Variants in SMC4 observed in about 807,000 individuals in gnomAD.
SMC4 encodes structural maintenance of chromosomes protein 4.
In SMC4, 87 loss-of-function variants were observed where a neutral mutation model predicts 145.6. The observed-to-expected ratio is 0.60, with a 90% confidence interval of 0.50 to 0.71. The LOEUF is 0.71. Ranked by LOEUF, SMC4 falls within the 30% of genes least tolerant of loss-of-function variation. The pLI is 0.00. For synonymous variants in SMC4, 558 were observed against 500.7 expected (o/e 1.11, Z -1.53); for missense variants, 1,447 against 1,537.1 (o/e 0.94, Z 0.98).
Position 160,417,916 on chromosome 3 carries a change from T to G in SMC4, c.1631T>G (p.Ile544Arg), listed in dbSNP as rs41272953. 10 of 1,612,718 alleles carry G rather than the reference T, an allele frequency of 6.2e-6. No individual in the cohort carries two copies. Among genetic ancestry groups the G allele is most frequent in the Admixed American group, 1.7e-5 (1 of 59,714 alleles). The change falls in exon 11 of 24, where the codon ATA (isoleucine) becomes AGA (arginine). Residue 544 changes from isoleucine to arginine, a missense_variant. By Grantham distance (97) the Ile-to-Arg change is moderately conservative. Transcript: ENST00000357388. The stretch of plus-strand genomic sequence containing the variant: ...GAAAGGAAAGCTGCAATCAGAGATA[T>G]AGAAGGAAAACTCCCTCAAACTGAA... Reference protein sequence around the residue: ...LKERKAAIRDIEGKLPQTEQE... With the variant: ...LKERKAAIRDREGKLPQTEQE...
At chr3:160,414,626 G>A (rs1716399283) in intron 9 of SMC4, 109 bp downstream of exon 9, 1 of 1,095,450 alleles carries the variant, frequency 9.1e-7, no homozygotes. Flanking sequence ...TATTCTAAAT[G>A]TTGTTTTAAG....
intron 7 of SMC4, 25 bp from the exon 8 acceptor site, chr3:160,413,446 TTC>T: frequency 6.4e-7 from 1 of 1,565,968 alleles, no homozygotes; most frequent in Non-Finnish European, 8.6e-7. Flanking sequence ...GAGCTTCAAT[TTC>T]TTTTTTTTTT....
rs1307483131 is a variant in SMC4, at chr3:160,419,432, A to T, written c.1746A>T (p.Lys582Asn). 6.2e-7 allele frequency: 1 copy of T among 1,612,574 alleles called. No individual in the cohort carries two copies. Among genetic ancestry groups the T allele is most frequent in the Non-Finnish European group, 8.5e-7 (1 of 1,179,674 alleles). ...GTTTGGTTCATGATCTCTTTCAAAA[A>T]GTTGAAGAAGCAAAGAGCTCATTAG... ...FKSLVHDLFQKVEEAKSSLAM... is the reference protein window; with the variant it reads ...FKSLVHDLFQNVEEAKSSLAM... Residue 582 changes from lysine to asparagine, a missense_variant, in exon 12 of 24, where the codon AAA becomes AAT. Coordinates refer to ENST00000357388, the MANE Select transcript of SMC4 (RefSeq NM_001002800.3).
In SMC4 at chr3:160,419,330, C is replaced by T. The variant is rs527855945; in HGVS notation, c.1672-28C>T. On this transcript the variant is annotated intron_variant, in intron 11 of 23. Coordinates refer to ENST00000357388, the MANE Select transcript of SMC4 (RefSeq NM_001002800.3). ...TGGTCATATTTAGAAGTTAATGCTT[C>T]TGGATTTCATTTTATTTTCACTTTT... The T allele has an allele frequency of 1.1e-4, 159 of 1,495,066 alleles. 1 individual carries two copies. The highest frequency in any genetic ancestry group is 2.3e-4 in the Middle Eastern group (1 of 4,296). 92.6% of individuals were successfully genotyped at this position (1,495,066 alleles called of 1,614,324 possible). A position where few individuals can be genotyped will look rare whatever the true frequency, so the allele number is the denominator to read the frequency against.
chr3:160,421,549 G>T (rs1326207378), intron 13 of SMC4, among the ~76,000 whole-genome samples: 2 of 152,036 alleles, frequency 1.3e-5, no homozygotes, highest in African/African-American at 2.4e-5. Context: ...TTTGAGACCA[G>T]CCTGGCCAAC....
intron 17 of SMC4, among the ~76,000 whole-genome samples, chr3:160,427,477 T>C (rs1717913557): frequency 2.6e-5 from 4 of 152,226 alleles, no homozygotes; most frequent in Admixed American, 2.6e-4. Context: ...GCTTTGATGG[T>C]ACCTGATGGT....
chr3:160,433,628 A>G (rs750900435), intron 23 of SMC4, 29 bp from the exon 24 acceptor site: 2 of 1,402,690 alleles, frequency 1.4e-6, no homozygotes, highest in Admixed American at 2.3e-5. Flanking sequence ...TTATTACTTA[A>G]TGTTTGACTT....
intron 5 of SMC4, among the ~76,000 whole-genome samples, chr3:160,405,510 TA>T (rs1223322375): frequency 1.8e-4 from 27 of 152,058 alleles, no homozygotes; most frequent in Admixed American, 4.6e-4. Flanking sequence ...AACAAACTTA[TA>T]AAATGTTAGC....
At chr3:160,404,705 A>T (rs753332612) in intron 5 of SMC4, 1 of 715,056 alleles carries the variant, frequency 1.4e-6, no homozygotes, top group South Asian at 1.4e-5. Flanking sequence ...TGTTTTCATC[A>T]TCAGATGTTC....
Position 160,427,049 on chromosome 3 carries a change from A to AAG in SMC4, c.2605+851_2605+852dup, listed in dbSNP as rs571358710. On this transcript the variant is annotated intron_variant, in intron 17 of 23. Coordinates refer to ENST00000357388, the MANE Select transcript of SMC4 (RefSeq NM_001002800.3). ...TGTGGGGATTTTCTTCCAAAAGAAA[A>AAG]AGATTTTTAAATGTTGACACATTTC... Among the ~76,000 whole-genome samples the AAG allele has an allele frequency of 1.2e-4, 18 of 152,340 alleles. No homozygotes were observed. The South Asian group carries it at 3.5e-3, about 30-fold the overall frequency.
Position 160,402,029 on chromosome 3 carries a change from C to A in SMC4, c.254C>A (p.Thr85Asn). 6.3e-7 allele frequency: 1 copy of A among 1,595,990 alleles called. No individual in the cohort carries two copies. Among genetic ancestry groups the A allele is most frequent in the Non-Finnish European group, 8.5e-7 (1 of 1,173,032 alleles). The change falls in exon 3 of 24, where the codon ACT becomes AAT. Residue 85 changes from threonine (T) to asparagine (N), a missense_variant. Coordinates refer to ENST00000357388, the MANE Select transcript of SMC4 (RefSeq NM_001002800.3). The part of the protein sequence containing the change: ...NEAGAPRLMI[T>N]HIVNQNFKSY... Reference sequence around the variant, plus strand: ...GCTGGAGCTCCTCGGCTTATGATAACTCATATTGTAAACCAGAACTTCAAA... The same window carrying A: ...GCTGGAGCTCCTCGGCTTATGATAAATCATATTGTAAACCAGAACTTCAAA...
At chr3:160,428,603 C>CG in intron 17 of SMC4, 150 bp from the exon 18 acceptor site, 1 of 613,984 alleles carries the variant, frequency 1.6e-6, no homozygotes, top group Non-Finnish European at 2.7e-6. Context: ...TACAGGATAT[C>CG]GTTTTTTTTT....
Position 160,420,799 on chromosome 3 carries a change from A to G in SMC4, c.1917A>G (p.Ala639=), listed in dbSNP as rs765524791. The G allele has an allele frequency of 2.5e-6, 4 of 1,614,036 alleles. No individual in the cohort carries two copies. The highest frequency in any genetic ancestry group is 1.1e-5 in the South Asian group (1 of 91,042). The change falls in exon 13 of 24, where the codon GCA becomes GCG. Residue 639 remains alanine, a synonymous_variant. Transcript: ENST00000357388. ...YDVAISSCCH[A]LDYIVVDSID... is the part of the protein sequence containing the mutation. ...TGGCTATATCATCCTGTTGTCATGC[A>G]CTGGACTACATTGTTGTTGATTCTA...
intron 11 of SMC4, 107 bp from the exon 12 acceptor site, chr3:160,419,251 G>A (rs1716910248): frequency 1.4e-6 from 1 of 739,660 alleles, no homozygotes; most frequent in Non-Finnish European, 2.0e-6. Flanking sequence ...TTTTATTGTT[G>A]GTCTTTCTTT....
At chr3:160,429,739 GAC>G in intron 18 of SMC4, among the ~76,000 whole-genome samples, 1 of 135,788 alleles carries the variant, frequency 7.4e-6, no homozygotes, top group Admixed American at 7.7e-5. Flanking sequence ...TTCTTTTTGA[GAC>G]AGTCTCGCTC....
Position 160,400,940 on chromosome 3 carries a change from C to G in SMC4, c.114C>G (p.Arg38=). ...CGGAGCCTGAGCCGCCGTCCGGCCG[C>G]ACGGAGAGCCCAGCCACCGCCGCAG... ...SDAEPEPPSG[R]TESPATAAET... Residue 38 remains arginine, a synonymous_variant, in exon 2 of 24, where the codon CGC becomes CGG. Coordinates refer to ENST00000357388, the MANE Select transcript of SMC4 (RefSeq NM_001002800.3). 2 of 1,459,138 alleles carry G rather than the reference C, an allele frequency of 1.4e-6. No homozygotes were observed. The highest frequency in any genetic ancestry group is 1.8e-6 in the Non-Finnish European group (2 of 1,116,096). The allele number at this position is 1,459,138 out of a possible 1,614,324, so 90.4% of individuals were successfully genotyped here.
chr3:160,413,100 AATT>A (rs137917873), intron 7 of SMC4, among the ~76,000 whole-genome samples: 1 of 151,560 alleles, frequency 6.6e-6, no homozygotes, highest in South Asian at 2.1e-4. Context: ...ACACCTGGCT[AATT>A]ATTATTATTA....
rs1179726324 is a variant in SMC4, at chr3:160,434,395, G to GCTAT, written c.*589_*592dup. 1 of 152,140 alleles carries GCTAT rather than the reference G, an allele frequency of 6.6e-6. No individual in the cohort carries two copies. Among genetic ancestry groups the GCTAT allele is most frequent in the Non-Finnish European group, 1.5e-5 (1 of 68,046 alleles). The allele number at this position is 152,140 out of a possible 1,614,324, so 9.4% of individuals were successfully genotyped here. A position where few individuals can be genotyped will look rare whatever the true frequency, so the allele number is the denominator to read the frequency against. ...TAGGACAGTGTTTCAACAAGCCTAGGCTATCTCGTAAGTTGAAAAATATCC... is the reference window on the plus strand; with the variant it reads ...TAGGACAGTGTTTCAACAAGCCTAGGCTATCTATCTCGTAAGTTGAAAAATATCC... On this transcript the variant is annotated 3_prime_UTR_variant, in exon 24 of 24. Transcript: ENST00000357388.
rs763482991 is a variant in SMC4, at chr3:160,424,878, G to A, written c.2337G>A (p.Met779Ile). The A allele has an allele frequency of 3.1e-6, 5 of 1,613,654 alleles. No individual in the cohort carries two copies. Among genetic ancestry groups the A allele is most frequent in the Non-Finnish European group, 4.2e-6 (5 of 1,179,918 alleles). The change falls in exon 16 of 24, where the codon ATG (methionine) becomes ATA (isoleucine). Residue 779 changes from methionine to isoleucine, a missense_variant. Physicochemically the swap from Met to Ile is conservative, Grantham distance 10. Transcript: ENST00000357388. ...AACTTTCTTTGTAGGTAAACAAAATGGAATCACAGTTGCAAAACGACTCTA... is the reference window on the plus strand; with the variant it reads ...AACTTTCTTTGTAGGTAAACAAAATAGAATCACAGTTGCAAAACGACTCTA... Reference protein sequence around the residue: ...IEISEEEVNKMESQLQNDSKK... With the variant: ...IEISEEEVNKIESQLQNDSKK...
Sources: allele counts gnomAD v4.1 joint callset (sites outside exome capture counted in the v4.1 genomes callset), GRCh38; gene constraint gnomAD v4.1.1; transcripts MANE v1.5; gene names NCBI Gene and HGNC (gene_info 2026-07-23, HGNC 2026-07-21).